The following CPA6 variants were observed in gnomAD, a reference collection of about 807,000 sequenced individuals.
The protein encoded by CPA6 is carboxypeptidase A6.
Under a neutral mutation model 63.3 loss-of-function variants are expected in CPA6, and 58 were observed. The observed-to-expected ratio is 0.92, with a 90% CI of 0.74 to 1.14. CPA6 has a LOEUF of 1.14. Ranked by LOEUF, CPA6 falls within the 50% of genes most tolerant of loss-of-function variation. CPA6 has a pLI of 0.00. For missense variants in CPA6, 565 were observed against 526.6 expected, an observed-to-expected ratio of 1.07 and a Z score of -0.71; for synonymous variants, 185 against 179.0, an observed-to-expected ratio of 1.03 and a Z score of -0.27.
intron 1 of CPA6, among the ~76,000 whole-genome samples, chr8:67,635,480 A>C (rs1467864768): frequency 6.6e-6 from 1 of 151,688 alleles, no homozygotes; most frequent in South Asian, 2.1e-4. Context: ...ATATAAAAGA[A>C]AAAGGGGCTG....
chr8:67,502,918 T>C (rs1811857433), intron 6 of CPA6, among the ~76,000 whole-genome samples: 1 of 152,232 alleles, frequency 6.6e-6, no homozygotes, highest in Non-Finnish European at 1.5e-5. Flanking sequence ...TAGAATATGT[T>C]CTATAGGCAC....
At chr8:67,493,995 T>C (rs1333694551) in intron 6 of CPA6, among the ~76,000 whole-genome samples, 2 of 152,324 alleles carry the variant, frequency 1.3e-5, no homozygotes, top group Middle Eastern at 3.4e-3. Flanking sequence ...TAGAAATATA[T>C]GACTCAAGTG....
At chr8:67,436,439 C>CA (rs112696880) in intron 8 of CPA6, among the ~76,000 whole-genome samples, 45,837 of 144,950 alleles carry the variant, frequency 0.32, 9,609 homozygotes, top group African/African-American at 0.61. Context: ...TGGCAACGAC[C>CA]AAAAAAAAAG....
chr8:67,530,706 C>G (rs537736640), intron 2 of CPA6, among the ~76,000 whole-genome samples: 1 of 152,242 alleles, frequency 6.6e-6, no homozygotes, highest in South Asian at 2.1e-4. Flanking sequence ...ACACAAGGAA[C>G]AGGATCAAGA....
intron 2 of CPA6, among the ~76,000 whole-genome samples, chr8:67,615,469 T>C (rs746704083): frequency 6.6e-6 from 1 of 152,160 alleles, no homozygotes; most frequent in Non-Finnish European, 1.5e-5. Flanking sequence ...CCAATATTTG[T>C]AATTTTCAGG....
At chr8:67,707,836 C>T (rs1294694956) in intron 1 of CPA6, among the ~76,000 whole-genome samples, 3 of 151,734 alleles carry the variant, frequency 2.0e-5, no homozygotes, top group East Asian at 1.9e-4. Context: ...TGAACTGGGA[C>T]CTGGGAGGAA....
intron 2 of CPA6, among the ~76,000 whole-genome samples, chr8:67,610,469 C>G (rs926912272): frequency 3.9e-5 from 6 of 152,146 alleles, no homozygotes; most frequent in African/African-American, 1.4e-4. Context: ...TCACATTATT[C>G]TATGACTTTT....
At chr8:67,467,956 G>A (rs1162669016) in intron 8 of CPA6, among the ~76,000 whole-genome samples, 1 of 151,138 alleles carries the variant, frequency 6.6e-6, no homozygotes, top group Non-Finnish European at 1.5e-5. Flanking sequence ...TACTTGGGAG[G>A]CTGAGGCAGG....
chr8:67,684,738 T>C (rs1388555014), intron 1 of CPA6, among the ~76,000 whole-genome samples: 2 of 152,146 alleles, frequency 1.3e-5, no homozygotes, highest in East Asian at 3.9e-4. Flanking sequence ...CCTAGGCCCA[T>C]CTGTCCATTT....
At chr8:67,699,142 G>T (rs1224239549) in intron 1 of CPA6, among the ~76,000 whole-genome samples, 4 of 152,214 alleles carry the variant, frequency 2.6e-5, no homozygotes, top group Non-Finnish European at 5.9e-5. Flanking sequence ...TACAGGCCAG[G>T]TTTAGTGGCT....
At position 67,430,169 on chromosome 8, in the gene CPA6, GTGTATA is replaced by G. The variant is rs1446104507; in HGVS notation, c.1042-2044_1042-2039del. ...TGTGTGTGTGTGTGTGTGTGTGTGTGTGTATATATTTTGTTTTTTTTTTTTTTTAGA... is the reference window on the plus strand; with the variant it reads ...TGTGTGTGTGTGTGTGTGTGTGTGTGTATTTTGTTTTTTTTTTTTTTTAGA... On this transcript the variant is annotated intron_variant, in intron 9 of 10. Coordinates refer to ENST00000297770, the MANE Select transcript of CPA6 (RefSeq NM_020361.5). Among the ~76,000 whole-genome samples the G allele has an allele frequency of 6.7e-5, 8 of 118,528 alleles. 1 individual carries two copies. Among genetic ancestry groups the G allele is most frequent in the African/African-American group, 3.4e-4 (8 of 23,296 alleles). The allele number at this position is 118,528 out of a possible 152,430, so 77.8% of individuals were successfully genotyped here. A position where few individuals can be genotyped will look rare whatever the true frequency, so the allele number is the denominator to read the frequency against.
At chr8:67,511,467 T>A in intron 4 of CPA6, 74 bp downstream of exon 4, 1 of 830,576 alleles carries the variant, frequency 1.2e-6, no homozygotes, top group Middle Eastern at 2.3e-4. Context: ...ATAAAACACA[T>A]AATTTTCTCC....
rs1211323183 is a variant in CPA6 at position 67,733,196 on chromosome 8, C to CAAA, written c.116+12815_116+12817dup. Reference sequence around the variant, plus strand: ...TGGGCTACAGAGCGAGACTCCATCTCAAAAAAAAAAAAAAAAAAAAAAAAA... The same window carrying CAAA: ...TGGGCTACAGAGCGAGACTCCATCTCAAAAAAAAAAAAAAAAAAAAAAAAAAAA... On this transcript the variant is annotated intron_variant, in intron 1 of 10. Transcript: ENST00000297770. 3.5e-3 allele frequency among the ~76,000 whole-genome samples: 52 copies of CAAA among 14,880 alleles called. 2 individuals carry two copies. The highest frequency in any genetic ancestry group is 0.01 in the Admixed American group (11 of 1,050). 9.8% of individuals were successfully genotyped at this position (14,880 alleles called of 152,430 possible).
intron 1 of CPA6, among the ~76,000 whole-genome samples, chr8:67,645,101 C>CA (rs1338954610): frequency 1.3e-5 from 2 of 151,902 alleles, no homozygotes; most frequent in African/African-American, 4.8e-5. Flanking sequence ...TCAGGGGTAT[C>CA]AAAAAAAGCA....
intron 1 of CPA6, among the ~76,000 whole-genome samples, chr8:67,645,961 T>G (rs577087177): frequency 6.6e-6 from 1 of 152,326 alleles, no homozygotes; most frequent in East Asian, 1.9e-4. Context: ...ATTTCTACCC[T>G]GCCTTAACTC....
At chr8:67,608,402 G>C (rs1814721644) in intron 2 of CPA6, among the ~76,000 whole-genome samples, 1 of 152,172 alleles carries the variant, frequency 6.6e-6, no homozygotes, top group Non-Finnish European at 1.5e-5. Context: ...TTCGACTGGG[G>C]AATGGTCATA....
chr8:67,443,112 G>A (rs1810331913), intron 8 of CPA6, among the ~76,000 whole-genome samples: 1 of 151,544 alleles, frequency 6.6e-6, no homozygotes, highest in South Asian at 2.1e-4. Flanking sequence ...ACCCAGGCTG[G>A]AGTGTGGTGG....
At chr8:67,442,495 A>G (rs1810315158) in intron 8 of CPA6, among the ~76,000 whole-genome samples, 1 of 152,192 alleles carries the variant, frequency 6.6e-6, no homozygotes, top group African/African-American at 2.4e-5. Context: ...AGACAAATCT[A>G]GAGGGATAGA....
rs1815000633 is a variant in CPA6 at position 67,618,139 on chromosome 8, G to A, written c.192+6037C>T. On this transcript the variant is annotated intron_variant, in intron 2 of 10. Transcript: ENST00000297770. ...GCATTTCAGGAGAGAAGATGTGTGT[G>A]CACCAGGGCCAAGAGTCTTGGGGGC... Among the ~76,000 whole-genome samples the A allele has an allele frequency of 2.0e-5, 3 of 152,168 alleles. No individual in the cohort carries two copies. The South Asian group carries it at 6.2e-4, about 32-fold the overall frequency.
Sources: gnomAD v4.1 joint callset for allele counts (sites outside exome capture counted in the v4.1 genomes callset) on GRCh38, gnomAD v4.1.1 for gene constraint, MANE v1.5 for transcripts, NCBI Gene and HGNC (gene_info 2026-07-23, HGNC 2026-07-21) for gene names.